Variants in BAZ2B observed in about 807,000 individuals in gnomAD.
BAZ2B encodes the protein bromodomain adjacent to zinc finger domain 2B.
BAZ2B carries 91 observed loss-of-function variants against 246.0 expected under a neutral mutation model. The ratio of observed to expected loss-of-function variants is 0.37; its 90% CI spans 0.31 to 0.44. The LOEUF is 0.44. Ranked by LOEUF, BAZ2B falls within the 20% of genes least tolerant of loss-of-function variation. The probability of loss-of-function intolerance (pLI) is 1.00; values close to 1 mark genes in which losing one functional copy is unlikely to be tolerated. For missense variants in BAZ2B, 2,332 were observed against 2,533.7 expected, an observed-to-expected ratio of 0.92 and a Z score of 1.71; for synonymous variants, 855 against 860.0, an observed-to-expected ratio of 0.99 and a Z score of 0.10.
At chr2:159,707,010 A>G in the BAZ2B span, among the ~76,000 whole-genome samples, 3 of 152,362 alleles carry the variant, frequency 2.0e-5, no homozygotes, top group African/African-American at 7.2e-5. Context: ...TTTCAAACTT[A>G]TCAGCTTCCA....
At chr2:159,651,916 A>AATAGATCAC in the BAZ2B span, among the ~76,000 whole-genome samples, 5 of 152,220 alleles carry the variant, frequency 3.3e-5, no homozygotes, top group Non-Finnish European at 7.3e-5. Context: ...TCATTATATG[A>AATAGATCAC]ATAGATCACA....
the BAZ2B span, among the ~76,000 whole-genome samples, chr2:159,627,864 A>G: frequency 6.6e-6 from 1 of 152,224 alleles, no homozygotes; most frequent in African/African-American, 2.4e-5. Context: ...AAATAGGAAA[A>G]GAGGAAGTCA....
In BAZ2B at chr2:159,382,784, A is replaced by G; in HGVS notation, c.3780T>C (p.Ala1260=). 6.2e-7 allele frequency: 1 copy of G among 1,613,496 alleles called. No homozygotes were observed. The highest frequency in any genetic ancestry group is 2.2e-5 in the East Asian group (1 of 44,864). The change falls in exon 25 of 37, where the codon GCT becomes GCC. Residue 1260 remains alanine (A), a synonymous_variant. Transcript: ENST00000392783. ...AAGTGTCTCTTTTGCCTGTTTTCTTAGCATGAATGATTCTGAGCCTTTAAA... is the reference window on the plus strand; with the variant it reads ...AAGTGTCTCTTTTGCCTGTTTTCTTGGCATGAATGATTCTGAGCCTTTAAA... The part of the protein sequence containing the change: ...GKLRKLRIIH[A]KKTGKRDTSG...
chr2:159,408,577 AT>A (rs780769395), intron 14 of BAZ2B, among the ~76,000 whole-genome samples: 28 of 152,324 alleles, frequency 1.8e-4, no homozygotes, highest in Non-Finnish European at 3.2e-4. Flanking sequence ...AAAAATTTAC[AT>A]AGATTAAATT....
intron 3 of BAZ2B, among the ~76,000 whole-genome samples, chr2:159,455,365 A>C (rs1235608734): frequency 6.6e-6 from 1 of 152,136 alleles, no homozygotes; most frequent in Non-Finnish European, 1.5e-5. Flanking sequence ...TCTTTACTGA[A>C]ACAAGAAGAT....
At chr2:159,517,317 C>A (rs981311292) in intron 2 of BAZ2B, among the ~76,000 whole-genome samples, 5 of 151,110 alleles carry the variant, frequency 3.3e-5, no homozygotes, top group African/African-American at 4.9e-5. Context: ...TTTTTTTCCC[C>A]CCAAATTGCT....
the BAZ2B span, among the ~76,000 whole-genome samples, chr2:159,656,690 A>G: frequency 1.3e-5 from 2 of 152,128 alleles, no homozygotes; most frequent in Non-Finnish European, 2.9e-5. Context: ...TTAGTACTGA[A>G]TAATATTCCA....
At chr2:159,600,781 G>T (rs1256492571) in intron 1 of BAZ2B, among the ~76,000 whole-genome samples, 1 of 152,052 alleles carries the variant, frequency 6.6e-6, no homozygotes, top group African/African-American at 2.4e-5. Flanking sequence ...AAAAAGAAGT[G>T]GGGGGAATCA....
chr2:159,413,565 G>A (rs1179442662), intron 13 of BAZ2B, among the ~76,000 whole-genome samples: 1 of 152,062 alleles, frequency 6.6e-6, no homozygotes, highest in Non-Finnish European at 1.5e-5. Flanking sequence ...AAAATCAGCT[G>A]GGTGTGGTGA....
chr2:159,466,740 T>C (rs1374531592), intron 3 of BAZ2B, among the ~76,000 whole-genome samples: 1 of 151,120 alleles, frequency 6.6e-6, no homozygotes, highest in African/African-American at 2.5e-5. Flanking sequence ...GGGCTGATGG[T>C]GTTAAGTCCC....
intron 2 of BAZ2B, among the ~76,000 whole-genome samples, chr2:159,492,290 G>C (rs999678563): frequency 6.6e-6 from 1 of 152,130 alleles, no homozygotes; most frequent in South Asian, 2.1e-4. Context: ...TGACACCCCT[G>C]ACAAGGATAC....
At position 159,349,788 on chromosome 2, in the gene BAZ2B, G is replaced by A; in HGVS notation, c.4783C>T (p.Pro1595Ser). 1.2e-6 allele frequency: 2 copies of A among 1,614,184 alleles called. No individual in the cohort carries two copies. The highest frequency in any genetic ancestry group is 1.7e-6 in the Non-Finnish European group (2 of 1,180,016). The change falls in exon 28 of 37, where the codon CCT becomes TCT. Residue 1595 changes from proline (P) to serine (S), a missense_variant. Physicochemically the swap from Pro to Ser is moderately conservative, Grantham distance 74 (BLOSUM62 -1). Transcript: ENST00000392783. Reference protein sequence around the residue: ...TPQSQPPSKSPSPTPAPLGSS... With the variant: ...TPQSQPPSKSSSPTPAPLGSS... ...CCAAGAGGAGCTGGGGTAGGTGAAG[G>A]TGACTTAGATGGTGGCTGAGACTGA...
In BAZ2B at chr2:159,519,800, G is replaced by A. The variant is rs2083929419; in HGVS notation, c.-3+36023C>T. Among the ~76,000 whole-genome samples the A allele has an allele frequency of 1.4e-5, 2 of 141,014 alleles. 1 individual carries two copies. The highest frequency in any genetic ancestry group is 3.1e-5 in the Non-Finnish European group (2 of 64,098). 92.5% of individuals were successfully genotyped at this position (141,014 alleles called of 152,430 possible). ...CCATTCTCCTGCCTCAGCCTCCCCA[G>A]TAGCTGAGACTGGCCAAGGGACCTT... On this transcript the variant is annotated intron_variant, in intron 2 of 36. Transcript: ENST00000392783.
At chr2:159,637,247 C>T in the BAZ2B span, among the ~76,000 whole-genome samples, 1 of 152,184 alleles carries the variant, frequency 6.6e-6, no homozygotes, top group South Asian at 2.1e-4. Flanking sequence ...TCTAAGGGTC[C>T]CTAAGTCCAG....
intron 32 of BAZ2B, 198 bp downstream of exon 32, chr2:159,337,369 A>C: frequency 7.5e-7 from 1 of 1,340,320 alleles, no homozygotes; most frequent in Non-Finnish European, 1.0e-6. Flanking sequence ...GATCACAGAC[A>C]TACAAGAAGA....
At chr2:159,682,904 A>ACCCCCCCCCCCCC in the BAZ2B span, among the ~76,000 whole-genome samples, 3 of 95,334 alleles carry the variant, frequency 3.1e-5, no homozygotes, top group East Asian at 5.5e-4. Context: ...ATAAACTGCC[A>ACCCCCCCCCCCCC]CCCCTCCCCC....
At chr2:159,560,679 C>T (rs1052421921) in intron 1 of BAZ2B, among the ~76,000 whole-genome samples, 1 of 151,954 alleles carries the variant, frequency 6.6e-6, no homozygotes, top group Non-Finnish European at 1.5e-5. Flanking sequence ...AGGCGCCCAC[C>T]ACCACGCCCA....
intron 23 of BAZ2B, 112 bp downstream of exon 23, chr2:159,385,043 C>T: frequency 1.9e-6 from 2 of 1,065,694 alleles, no homozygotes; most frequent in Non-Finnish European, 2.7e-6. Flanking sequence ...TTTTAATTTT[C>T]TTCTTTGTGC....
rs1180960632 is a variant in BAZ2B at position 159,612,019 on chromosome 2, G to A, written c.-46+4223C>T. ...ACACCATTTTAGTATCACATATTTA[G>A]TATCACACATTTTAGTATGATAGCT... On this transcript the variant is annotated intron_variant, in intron 1 of 36. Coordinates refer to ENST00000392783, the MANE Select transcript of BAZ2B (RefSeq NM_013450.4). Among the ~76,000 whole-genome samples, 2 of 151,796 alleles carry A rather than the reference G, an allele frequency of 1.3e-5. 1 individual carries two copies. The highest frequency in any genetic ancestry group is 6.3e-3 in the Middle Eastern group (2 of 316).
Sources: allele counts gnomAD v4.1 joint callset (sites outside exome capture counted in the v4.1 genomes callset), GRCh38; gene constraint gnomAD v4.1.1; transcripts MANE v1.5; gene names NCBI Gene and HGNC (gene_info 2026-07-23, HGNC 2026-07-21).